PTPRH: variants seen among roughly 807,000 people sequenced by gnomAD.
PTPRH encodes the protein protein tyrosine phosphatase receptor type H.
Under a neutral mutation model 130.2 loss-of-function variants are expected in PTPRH, and 113 were observed. The observed-to-expected ratio is 0.87, with a 90% confidence interval of 0.75 to 1.01. PTPRH has a LOEUF of 1.01. Among genes scored for constraint, PTPRH ranks in the 50% least tolerant of loss-of-function variants. The pLI is 0.00. For missense variants in PTPRH, 1,430 were observed against 1,425.0 expected, an observed-to-expected ratio of 1.00 and a Z score of -0.06; for synonymous variants, 556 against 577.9, an observed-to-expected ratio of 0.96 and a Z score of 0.54.
At chr19:55,187,117 G>A (rs560088832) in intron 14 of PTPRH, among the ~76,000 whole-genome samples, 21 of 151,126 alleles carry the variant, frequency 1.4e-4, no homozygotes, top group Non-Finnish European at 2.2e-4. Flanking sequence ...AGGCCGAGGC[G>A]GGCAGATCAC....
Position 55,209,349 on chromosome 19 carries a change from C to A in PTPRH, c.51+34G>T. 1 of 1,554,992 alleles carries A rather than the reference C, an allele frequency of 6.4e-7. No individual in the cohort carries two copies. The highest frequency in any genetic ancestry group is 1.9e-5 in the Admixed American group (1 of 51,474). On this transcript the variant is annotated intron_variant, in intron 1 of 19. Transcript: ENST00000376350. The surrounding 1 kb of genome is among the most constrained non-coding windows in gnomAD (Gnocchi z 4.1). ...TCTCCCTCAGACCTGGGAGTCCCTG[C>A]CTTGGGAGCCCGCTCTGGGCGGGGA... is the stretch of plus-strand genomic sequence containing the variant.
chr19:55,182,619 C>T (rs751281354), intron 18 of PTPRH, among the ~76,000 whole-genome samples: 4 of 151,774 alleles, frequency 2.6e-5, no homozygotes, highest in Non-Finnish European at 4.4e-5. Context: ...TTCACTCCTC[C>T]CAAACCTAAG....
intron 7 of PTPRH, 21 bp downstream of exon 7, chr19:55,200,215 G>A (rs1464549930): frequency 6.2e-7 from 1 of 1,612,414 alleles, no homozygotes; most frequent in Admixed American, 1.7e-5. Flanking sequence ...AAAACAGGGA[G>A]TGGCCGTTGA....
chr19:55,192,333 T>C lies in PTPRH; in HGVS notation c.2258-592A>G, dbSNP rs35710065. Among the ~76,000 whole-genome samples, 771 of 151,152 alleles carry C rather than the reference T, an allele frequency of 5.1e-3. 2 individuals carry two copies. The highest frequency in any genetic ancestry group is 9.3e-3 in the Non-Finnish European group (628 of 67,842). Reference sequence around the variant, plus strand: ...AGGAGAATGGCGTGAACCCGGGAGGTGGAGCTTGCAGTGAGCCCAGATCAC... The same window carrying C: ...AGGAGAATGGCGTGAACCCGGGAGGCGGAGCTTGCAGTGAGCCCAGATCAC... On this transcript the variant is annotated intron_variant, in intron 10 of 19. Transcript: ENST00000376350.
chr19:55,206,830 C>T lies in PTPRH; in HGVS notation c.211G>A (p.Gly71Ser), dbSNP rs143453750. 69 of 1,614,052 alleles carry T rather than the reference C, an allele frequency of 4.3e-5. No homozygotes were observed. The highest frequency in any genetic ancestry group is 5.0e-5 in the Non-Finnish European group (59 of 1,180,046). ...GTGTTTCGAGTCTCTGTTGTGCCGC[C>T]GTCTCCAGTACACTGAACCCAGTAG... is the stretch of plus-strand genomic sequence containing the variant. ...SNYWVQCTGD[G>S]GTTETRNTTA... Residue 71 changes from glycine (G) to serine (S), a missense_variant, in exon 3 of 20, where the codon GGC (glycine) becomes AGC (serine). Physicochemically the swap from Gly to Ser is moderately conservative, Grantham distance 56 (BLOSUM62 0). Transcript: ENST00000376350.
In PTPRH at chr19:55,197,221, C is replaced by T. The variant is rs758631099; in HGVS notation, c.1886G>A (p.Trp629Ter). Residue 629 changes from tryptophan to a stop codon, truncating the protein, a stop_gained, in exon 9 of 20, where the codon TGG (tryptophan) becomes TAG (stop). Transcript: ENST00000376350. LOFTEE classifies it high-confidence loss of function. ...VNQTSRTNET[W>*]YKVEALEPGT... is the part of the protein sequence containing the mutation. ...GGGTTCCAGGGCCTCCACTTTGTACCACGTCTCATTGGTCCTGCTGGTCTG... is the reference window on the plus strand; with the variant it reads ...GGGTTCCAGGGCCTCCACTTTGTACTACGTCTCATTGGTCCTGCTGGTCTG... 2 of 1,614,226 alleles carry T rather than the reference C, an allele frequency of 1.2e-6. No individual in the cohort carries two copies. The highest frequency in any genetic ancestry group is 1.7e-6 in the Non-Finnish European group (2 of 1,180,032).
chr19:55,195,139 A>G (rs572240077), intron 10 of PTPRH, among the ~76,000 whole-genome samples: 1 of 152,118 alleles, frequency 6.6e-6, no homozygotes, highest in South Asian at 2.1e-4. Flanking sequence ...AGCCTGGCCA[A>G]CATAGCAAAA....
chr19:55,192,982 A>C (rs1212545023), intron 10 of PTPRH, among the ~76,000 whole-genome samples: 5 of 151,778 alleles, frequency 3.3e-5, no homozygotes, highest in African/African-American at 1.2e-4. Flanking sequence ...TAATCCCAAC[A>C]CTTTGGGAGG....
chr19:55,203,124 C>A (rs371140982), intron 5 of PTPRH, among the ~76,000 whole-genome samples: 1 of 151,348 alleles, frequency 6.6e-6, no homozygotes, highest in Admixed American at 6.6e-5. Flanking sequence ...GTCAGGAGAT[C>A]GAGACCATCC....
At chr19:55,207,081 ACCCCACGGGGACCC>A in intron 2 of PTPRH, 71 bp downstream of exon 2, 4 of 1,587,270 alleles carry the variant, frequency 2.5e-6, no homozygotes, top group Non-Finnish European at 3.4e-6. Context: ...GGACCACTGG[ACCCCACGGGGACCC>A]CCCAGAGGCT....
At chr19:55,194,702 C>A (rs2086635210) in intron 10 of PTPRH, among the ~76,000 whole-genome samples, 1 of 152,172 alleles carries the variant, frequency 6.6e-6, no homozygotes, top group East Asian at 1.9e-4. Context: ...AAAATAAAAC[C>A]CGGGGTGGGG....
intron 1 of PTPRH, 22 bp from the exon 2 acceptor site, chr19:55,207,221 C>T (rs747775233): frequency 1.4e-5 from 22 of 1,611,294 alleles, no homozygotes; most frequent in South Asian, 5.5e-5. Context: ...CCAGAGAAAA[C>T]GGAGTCAGCC....
intron 6 of PTPRH, among the ~76,000 whole-genome samples, chr19:55,201,582 G>A (rs891140136): frequency 6.6e-6 from 1 of 152,210 alleles, no homozygotes; most frequent in Non-Finnish European, 1.5e-5. Flanking sequence ...TAATAGCCAC[G>A]TGTGGCTAGT....
At chr19:55,187,372 A>G (rs1040218400) in intron 14 of PTPRH, 141 bp downstream of exon 14, 42 of 354,948 alleles carry the variant, frequency 1.2e-4, no homozygotes, top group Middle Eastern at 1.4e-3. Flanking sequence ...AAAAAAAGAA[A>G]AAAAAAAAAG....
chr19:55,199,686 G>A (rs896491195), intron 7 of PTPRH, among the ~76,000 whole-genome samples: 1 of 148,854 alleles, frequency 6.7e-6, no homozygotes. Context: ...GAGAAAGAAA[G>A]AGAGAAAGGA....
At chr19:55,205,688 G>C in intron 3 of PTPRH, 96 bp from the exon 4 acceptor site, 1 of 1,551,108 alleles carries the variant, frequency 6.4e-7, no homozygotes. Context: ...GTAGAGGCAG[G>C]GAGGCCCAGC....
intron 3 of PTPRH, among the ~76,000 whole-genome samples, chr19:55,205,885 C>T (rs1336555625): frequency 6.6e-6 from 1 of 152,144 alleles, no homozygotes; most frequent in Non-Finnish European, 1.5e-5. Context: ...TGAGTATATA[C>T]TTGGTGTATA....
chr19:55,198,989 C>T, intron 7 of PTPRH, 77 bp from the exon 8 acceptor site: 1 of 1,328,700 alleles, frequency 7.5e-7, no homozygotes, highest in Admixed American at 3.1e-5. Flanking sequence ...ACGCCCTGTC[C>T]TTGTGCAGCC....
chr19:55,186,142 G>A (rs890287813), intron 16 of PTPRH, 83 bp downstream of exon 16: 33 of 1,570,490 alleles, frequency 2.1e-5, no homozygotes, highest in Non-Finnish European at 2.5e-5. Context: ...GAATCCGTAA[G>A]GTCTGGGTGT....
Sources: gnomAD v4.1 joint callset for allele counts (sites outside exome capture counted in the v4.1 genomes callset) on GRCh38, gnomAD v4.1.1 for gene constraint, Gnocchi (gnomAD v3.1) non-coding constraint, MANE v1.5 for transcripts, NCBI Gene and HGNC (gene_info 2026-07-23, HGNC 2026-07-21) for gene names.